The following SERPINI1 variants were observed in gnomAD, a reference collection of about 807,000 sequenced individuals.
The protein encoded by SERPINI1 is neuroserpin.
A neutral mutation model predicts 41.1 loss-of-function variants in SERPINI1; 19 were observed. The ratio of observed to expected loss-of-function variants is 0.46; its 90% CI spans 0.32 to 0.68. The LOEUF (loss-of-function observed/expected upper bound fraction) is 0.68, where lower values mean the gene tolerates loss of function less well. Ranked by LOEUF, SERPINI1 falls within the 30% of genes least tolerant of loss-of-function variation. The pLI, the probability that SERPINI1 is intolerant of heterozygous loss-of-function variation, is 0.03. For missense variants in SERPINI1, 460 were observed against 479.2 expected, an observed-to-expected ratio of 0.96 and a Z score of 0.37; for synonymous variants, 138 against 156.6, an observed-to-expected ratio of 0.88 and a Z score of 0.89.
chr3:167,793,850 G>GTA (rs1473300607), intron 4 of SERPINI1, among the ~76,000 whole-genome samples: 3 of 151,092 alleles, frequency 2.0e-5, no homozygotes, highest in Non-Finnish European at 4.4e-5. Flanking sequence ...GTGTGTGTGT[G>GTA]TGTGTGTGTG....
At chr3:167,790,675 C>T (rs1241943212) in intron 3 of SERPINI1, 73 bp downstream of exon 3, 3 of 1,129,392 alleles carry the variant, frequency 2.7e-6, no homozygotes, top group Admixed American at 1.9e-5. Context: ...AGTATTTCCT[C>T]CTTGTTCCTT....
intron 4 of SERPINI1, among the ~76,000 whole-genome samples, chr3:167,793,806 G>GTATATATA (rs796438641): frequency 5.5e-5 from 8 of 145,508 alleles, no homozygotes; most frequent in Non-Finnish European, 9.0e-5. Context: ...TATACTGTGT[G>GTATATATA]TATATATATA....
chr3:167,798,238 A>G (rs181515013), intron 5 of SERPINI1, among the ~76,000 whole-genome samples: 30 of 152,244 alleles, frequency 2.0e-4, no homozygotes, highest in Non-Finnish European at 4.0e-4. Flanking sequence ...TCAATTATGA[A>G]ATAGTTTGGC....
intron 1 of SERPINI1, among the ~76,000 whole-genome samples, chr3:167,785,038 C>T (rs1233824079): frequency 6.6e-6 from 1 of 152,172 alleles, no homozygotes; most frequent in Non-Finnish European, 1.5e-5. Context: ...GTCAAGAGAT[C>T]GAGACCATCC....
At chr3:167,794,182 T>C (rs983820679) in intron 4 of SERPINI1, among the ~76,000 whole-genome samples, 3 of 150,978 alleles carry the variant, frequency 2.0e-5, no homozygotes, top group Admixed American at 6.6e-5. Context: ...ACTTCAGATA[T>C]ATTGAATTAT....
At chr3:167,785,651 T>A (rs1234071462) in intron 1 of SERPINI1, among the ~76,000 whole-genome samples, 1 of 152,230 alleles carries the variant, frequency 6.6e-6, no homozygotes, top group Non-Finnish European at 1.5e-5. Context: ...TTGTTTTAAG[T>A]ATTCAAAAAT....
intron 1 of SERPINI1, among the ~76,000 whole-genome samples, chr3:167,778,478 T>C (rs368918558): frequency 3.9e-5 from 6 of 152,320 alleles, no homozygotes; most frequent in African/African-American, 1.4e-4. Flanking sequence ...AGATTCAAAC[T>C]GTCTTTGGAA....
intron 1 of SERPINI1, among the ~76,000 whole-genome samples, chr3:167,743,437 A>G (rs1156840658): frequency 1.3e-5 from 2 of 152,122 alleles, no homozygotes; most frequent in African/African-American, 4.8e-5. Context: ...AAGTACATTA[A>G]TTTTTTTCTC....
intron 6 of SERPINI1, among the ~76,000 whole-genome samples, chr3:167,807,821 AT>A (rs1711702714): frequency 6.6e-6 from 1 of 152,170 alleles, no homozygotes; most frequent in African/African-American, 2.4e-5. Flanking sequence ...TAATAAAAAA[AT>A]AAATAAACAG....
chr3:167,765,075 A>G (rs1013188569), intron 1 of SERPINI1, among the ~76,000 whole-genome samples: 2 of 152,200 alleles, frequency 1.3e-5, no homozygotes, highest in African/African-American at 4.8e-5. Context: ...TTCCAGGCAC[A>G]CAGTGCAAGC....
At chr3:167,747,290 T>G (rs1439477664) in intron 1 of SERPINI1, among the ~76,000 whole-genome samples, 1 of 151,878 alleles carries the variant, frequency 6.6e-6, no homozygotes, top group Non-Finnish European at 1.5e-5. Context: ...CTTTCTGGGG[T>G]GATGAAATGG....
chr3:167,738,510 T>C (rs1027763483), intron 1 of SERPINI1, among the ~76,000 whole-genome samples: 1 of 152,072 alleles, frequency 6.6e-6, no homozygotes, highest in Non-Finnish European at 1.5e-5. Flanking sequence ...AGAAAACTAC[T>C]TGAGAAACAC....
intron 1 of SERPINI1, among the ~76,000 whole-genome samples, chr3:167,759,793 A>G (rs1053501933): frequency 6.6e-6 from 1 of 152,178 alleles, no homozygotes; most frequent in Non-Finnish European, 1.5e-5. Context: ...GAAGTAATGA[A>G]TGAGACTGAG....
chr3:167,743,552 A>G (rs1725748990), intron 1 of SERPINI1, among the ~76,000 whole-genome samples: 2 of 152,084 alleles, frequency 1.3e-5, no homozygotes, highest in East Asian at 1.9e-4. Context: ...CATTTCTATC[A>G]TGTTACCCTA....
intron 1 of SERPINI1, among the ~76,000 whole-genome samples, chr3:167,772,096 C>T (rs991451270): frequency 6.6e-6 from 1 of 152,146 alleles, no homozygotes; most frequent in African/African-American, 2.4e-5. Flanking sequence ...GTTTCTTAAT[C>T]TACAAATGGG....
rs557897218 is a variant in SERPINI1 at position 167,794,627 on chromosome 3, T to C, written c.684T>C (p.Phe228=). Residue 228 remains phenylalanine, a synonymous_variant, in exon 5 of 9, where the codon TTT becomes TTC. Transcript: ENST00000446050. The stretch of plus-strand genomic sequence containing the variant: ...CCTTTATTTTCTTTTTAGGGGAATT[T>C]AGTGATGGCTCCAATGAAGCTGGTG... ...YQQGEFYYGE[F]SDGSNEAGGI... 6 of 1,613,324 alleles carry C rather than the reference T, an allele frequency of 3.7e-6. No individual in the cohort carries two copies. The African/African-American group carries it at 5.3e-5, about 14-fold the overall frequency.
intron 5 of SERPINI1, among the ~76,000 whole-genome samples, chr3:167,801,999 A>G (rs1051277202): frequency 6.6e-6 from 1 of 152,148 alleles, no homozygotes; most frequent in Admixed American, 6.5e-5. Context: ...GATCTTTGAC[A>G]AACCTGAGAA....
intron 1 of SERPINI1, among the ~76,000 whole-genome samples, chr3:167,771,440 T>G (rs6771306): frequency 0.099 from 15,083 of 152,246 alleles, 802 homozygotes; most frequent in African/African-American, 0.11. Flanking sequence ...ATGTTGTTAT[T>G]TCTGTAAGAA....
chr3:167,822,587 AT>A (rs1712374033), intron 6 of SERPINI1, among the ~76,000 whole-genome samples: 4 of 152,134 alleles, frequency 2.6e-5, no homozygotes, highest in African/African-American at 7.2e-5. Flanking sequence ...AAAGGAAAAA[AT>A]TTTTTATTCT....
Sources: gnomAD v4.1 joint callset for allele counts (sites outside exome capture counted in the v4.1 genomes callset) on GRCh38, gnomAD v4.1.1 for gene constraint, MANE v1.5 for transcripts, NCBI Gene and HGNC (gene_info 2026-07-23, HGNC 2026-07-21) for gene names.